PDE1C: variants seen among roughly 807,000 people sequenced by gnomAD.
PDE1C encodes the protein dual specificity calcium/calmodulin-dependent 3',5'-cyclic nucleotide phosphodiesterase 1C.
In PDE1C, 62 loss-of-function variants were observed where a neutral mutation model predicts 93.1. The observed-to-expected ratio is 0.67, with a 90% CI of 0.54 to 0.82. The LOEUF is 0.82. Among genes scored for constraint, PDE1C ranks in the 40% least tolerant of loss-of-function variants. The probability of loss-of-function intolerance (pLI) is 0.00; values close to 1 mark genes in which losing one functional copy is unlikely to be tolerated. For synonymous variants in PDE1C, 325 were observed against 310.1 expected, an observed-to-expected ratio of 1.05 and a Z score of -0.50; for missense variants, 742 against 884.6, an observed-to-expected ratio of 0.84 and a Z score of 2.04.
intron 1 of PDE1C, among the ~76,000 whole-genome samples, chr7:32,317,956 G>T (rs764100423): frequency 6.6e-6 from 1 of 152,160 alleles, no homozygotes; most frequent in Non-Finnish European, 1.5e-5. Flanking sequence ...GACATAGTCC[G>T]TGGAGGGTGT....
intron 9 of PDE1C, among the ~76,000 whole-genome samples, chr7:31,839,090 CATAG>C (rs1791489057): frequency 1.4e-5 from 2 of 147,410 alleles, no homozygotes; most frequent in South Asian, 4.2e-4. Flanking sequence ...TGTAGACATA[CATAG>C]ATACACATAT....
chr7:32,007,537 G>T (rs184934039), intron 2 of PDE1C, among the ~76,000 whole-genome samples: 16 of 152,256 alleles, frequency 1.1e-4, no homozygotes, highest in African/African-American at 3.4e-4. Flanking sequence ...CTTATTATGA[G>T]ACAAATCATC....
At chr7:31,815,457 T>C (rs1788114305) in intron 15 of PDE1C, among the ~76,000 whole-genome samples, 1 of 152,168 alleles carries the variant, frequency 6.6e-6, no homozygotes, top group South Asian at 2.1e-4. Flanking sequence ...CAGTCCCAGG[T>C]AAACTGAAAC....
At chr7:31,871,144 G>C (rs1308029148) in intron 6 of PDE1C, among the ~76,000 whole-genome samples, 1 of 151,684 alleles carries the variant, frequency 6.6e-6, no homozygotes, top group Non-Finnish European at 1.5e-5. Flanking sequence ...CCTTCTTCAA[G>C]AAATAACTCT....
chr7:31,837,032 G>T, intron 11 of PDE1C, 148 bp downstream of exon 11: 1 of 601,026 alleles, frequency 1.7e-6, no homozygotes, highest in Non-Finnish European at 2.7e-6. Context: ...AATATCACAT[G>T]ACCAAGAGGC....
intron 1 of PDE1C, among the ~76,000 whole-genome samples, chr7:32,294,866 C>G (rs1812535984): frequency 6.6e-6 from 1 of 152,200 alleles, no homozygotes; most frequent in South Asian, 2.1e-4. Flanking sequence ...AGGATAATTA[C>G]TTGCCGCAAT....
chr7:32,396,454 A>C (rs1304623262), intron 1 of PDE1C, among the ~76,000 whole-genome samples: 1 of 151,888 alleles, frequency 6.6e-6, no homozygotes, highest in African/African-American at 2.4e-5. Flanking sequence ...CTCCAGCCTG[A>C]ACAACAGAGT....
intron 1 of PDE1C, among the ~76,000 whole-genome samples, chr7:32,054,278 G>A (rs925296885): frequency 6.6e-6 from 1 of 152,154 alleles, no homozygotes; most frequent in African/African-American, 2.4e-5. Context: ...GCTCTGGAGT[G>A]TGATAGACCT....
At chr7:31,978,906 T>C (rs757471446) in intron 2 of PDE1C, among the ~76,000 whole-genome samples, 2 of 152,194 alleles carry the variant, frequency 1.3e-5, no homozygotes, top group African/African-American at 4.8e-5. Flanking sequence ...TCGGAAAGGT[T>C]TGGTATATTT....
At chr7:32,201,697 T>A (rs1805024430) in intron 2 of PDE1C, among the ~76,000 whole-genome samples, 1 of 152,202 alleles carries the variant, frequency 6.6e-6, no homozygotes, top group Non-Finnish European at 1.5e-5. Flanking sequence ...TAAAAGGATG[T>A]ACAGTGGTAG....
At chr7:31,743,340 A>G in the PDE1C span, among the ~76,000 whole-genome samples, 1 of 152,136 alleles carries the variant, frequency 6.6e-6, no homozygotes, top group Non-Finnish European at 1.5e-5. Context: ...TCGGATCAAA[A>G]GTGTATGCTC....
rs55716635 is a variant in PDE1C at position 32,065,061 on chromosome 7, G to T, written c.101+5232C>A. On this transcript the variant is annotated intron_variant, in intron 1 of 17. Transcript: ENST00000396191. ...CTGACGGAACGGCGGTGGGGGGGGGGGGGAGGAGCCGGGGGCCAGTGAGGG... is the reference window on the plus strand; with the variant it reads ...CTGACGGAACGGCGGTGGGGGGGGGTGGGAGGAGCCGGGGGCCAGTGAGGG... Among the ~76,000 whole-genome samples the T allele has an allele frequency of 5.4e-5, 7 of 130,680 alleles. No individual in the cohort carries two copies. In the East Asian group the frequency reaches 1.0e-3, roughly 19 times the overall value. The allele number at this position is 130,680 out of a possible 152,430, so 85.7% of individuals were successfully genotyped here.
At chr7:31,952,146 C>T (rs143548834) in intron 2 of PDE1C, among the ~76,000 whole-genome samples, 1 of 152,230 alleles carries the variant, frequency 6.6e-6, no homozygotes, top group East Asian at 1.9e-4. Flanking sequence ...GGTTAATATT[C>T]TAATTTCCAA....
chr7:32,397,339 C>T (rs1585141869), intron 1 of PDE1C, among the ~76,000 whole-genome samples: 1 of 151,892 alleles, frequency 6.6e-6, no homozygotes. Context: ...AAACTTCATC[C>T]ATAATTTTTT....
chr7:31,746,231 G>A (rs1382790551), downstream of PDE1C, among the ~76,000 whole-genome samples: 1 of 152,202 alleles, frequency 6.6e-6, no homozygotes, highest in Non-Finnish European at 1.5e-5. Flanking sequence ...CCTAAGGAAG[G>A]AACCCAGAGG....
chr7:31,840,428 T>C (rs1362944671), intron 9 of PDE1C, among the ~76,000 whole-genome samples: 1 of 152,158 alleles, frequency 6.6e-6, no homozygotes, highest in African/African-American at 2.4e-5. Flanking sequence ...TGCTTTTTTT[T>C]AACGGTGTCT....
intron 2 of PDE1C, among the ~76,000 whole-genome samples, chr7:32,003,629 G>A (rs1785772061): frequency 6.6e-6 from 1 of 152,114 alleles, no homozygotes; most frequent in Non-Finnish European, 1.5e-5. Flanking sequence ...TAACAACATA[G>A]CTATGACTGG....
the PDE1C span, among the ~76,000 whole-genome samples, chr7:31,657,857 GA>G: frequency 6.6e-6 from 1 of 151,068 alleles, no homozygotes; most frequent in Admixed American, 6.6e-5. Context: ...AAATGAAAAT[GA>G]AAAAAAAGAA....
intron 15 of PDE1C, among the ~76,000 whole-genome samples, chr7:31,814,169 T>C (rs371165001): frequency 5.5e-4 from 84 of 152,204 alleles, no homozygotes; most frequent in African/African-American, 1.6e-3. Flanking sequence ...ATTTTTGCAA[T>C]AGTGAATTGT....
Sources: gnomAD v4.1 joint callset for allele counts (sites outside exome capture counted in the v4.1 genomes callset) on GRCh38, gnomAD v4.1.1 for gene constraint, MANE v1.5 for transcripts, NCBI Gene and HGNC (gene_info 2026-07-23, HGNC 2026-07-21) for gene names.